The following KYAT3 variants were observed in gnomAD, a reference collection of about 807,000 sequenced individuals.
The protein encoded by KYAT3 is kynurenine--oxoglutarate transaminase 3.
In KYAT3, 50 loss-of-function variants were observed where a neutral mutation model predicts 59.0. The observed-to-expected ratio is 0.85, with a 90% confidence interval of 0.68 to 1.07. KYAT3 has a LOEUF of 1.07. Among genes scored for constraint, KYAT3 ranks in the 50% least tolerant of loss-of-function variants. KYAT3 has a pLI of 0.00. For missense variants in KYAT3, 497 were observed against 533.3 expected (o/e 0.93, Z 0.67); for synonymous variants, 148 against 177.0 (o/e 0.84, Z 1.30).
At chr1:88,979,544 T>C (rs776896611) in intron 2 of KYAT3, 2 of 152,126 alleles carry the variant, frequency 1.3e-5, no homozygotes, top group Non-Finnish European at 2.9e-5. Context: ...GGCAAAAGAT[T>C]TGACAGCCAC....
intron 13 of KYAT3, 87 bp downstream of exon 13, chr1:88,942,918 A>T: frequency 2.9e-6 from 3 of 1,040,658 alleles, no homozygotes; most frequent in Non-Finnish European, 4.4e-6. Flanking sequence ...ATATGAGCAT[A>T]TCATTTTTAG....
chr1:88,976,216 G>T (rs1017373073), intron 2 of KYAT3, among the ~76,000 whole-genome samples: 2 of 151,914 alleles, frequency 1.3e-5, no homozygotes, highest in Non-Finnish European at 2.9e-5. Context: ...AATTAGCCGG[G>T]TGTGGTGGCA....
intron 1 of KYAT3, among the ~76,000 whole-genome samples, chr1:88,989,092 A>G (rs1245879019): frequency 6.6e-6 from 1 of 152,236 alleles, no homozygotes; most frequent in Non-Finnish European, 1.5e-5. Flanking sequence ...AGGCAAATAG[A>G]TATTTCTCAT....
At chr1:88,974,767 CT>C (rs1217027855) in intron 2 of KYAT3, among the ~76,000 whole-genome samples, 1 of 152,110 alleles carries the variant, frequency 6.6e-6, no homozygotes, top group Non-Finnish European at 1.5e-5. Context: ...CGCTCTGGGT[CT>C]TGCTAAAGGA....
At chr1:88,965,901 A>C (rs1447002152) in intron 4 of KYAT3, among the ~76,000 whole-genome samples, 1 of 152,224 alleles carries the variant, frequency 6.6e-6, no homozygotes, top group African/African-American at 2.4e-5. Flanking sequence ...AGGTCTAACA[A>C]ATTCTAGCAA....
chr1:88,961,286 A>G lies in KYAT3; in HGVS notation c.668T>C (p.Val223Ala), dbSNP rs778319109. ...TACTTGCAGTTCCTCTCTGTTATAC[A>G]CCTACACATAATAAAGGAAAGAGCA... Reference protein sequence around the residue: ...LNTPHNPLGKVYNREELQVIA... With the variant: ...LNTPHNPLGKAYNREELQVIA... The change falls in exon 8 of 14, where the codon GTG becomes GCG. Residue 223 changes from valine (V) to alanine (A), a missense_variant and splice_region_variant. Val to Ala is a moderately conservative substitution (Grantham distance 64). Around this residue, in one of 2 missense-constraint regions of KYAT3, gnomAD observed 469 missense variants for 479.1 expected, o/e 0.98. Transcript: ENST00000260508. 1 of 1,613,668 alleles carries G rather than the reference A, an allele frequency of 6.2e-7. No homozygotes were observed.
rs184950694 is a variant in KYAT3 at position 88,948,618 on chromosome 1, A to G, written c.1141+473T>C. 2.6e-3 allele frequency among the ~76,000 whole-genome samples: 393 copies of G among 152,342 alleles called. 11 individuals carry two copies. The highest frequency in any genetic ancestry group is 0.02 in the Admixed American group (300 of 15,300). On this transcript the variant is annotated intron_variant, in intron 11 of 13. Transcript: ENST00000260508. ...CAAAAGGGTGTTTTGAGTACGTGGCACAAAGTAGACCCTCAATAAGTGTTA... is the reference window on the plus strand; with the variant it reads ...CAAAAGGGTGTTTTGAGTACGTGGCGCAAAGTAGACCCTCAATAAGTGTTA...
chr1:88,954,178 G>A (rs6692335), intron 9 of KYAT3, among the ~76,000 whole-genome samples: 43,349 of 152,042 alleles, frequency 0.29, 7,542 homozygotes, highest in Non-Finnish European at 0.38. Context: ...GATTACAGGC[G>A]TGCGCTACCA....
intron 4 of KYAT3, among the ~76,000 whole-genome samples, chr1:88,966,165 T>C (rs551652531): frequency 2.0e-5 from 3 of 152,222 alleles, no homozygotes; most frequent in African/African-American, 7.2e-5. Context: ...TAAAAACACA[T>C]AGACATGTAT....
In KYAT3 at chr1:88,962,154, A is replaced by G. The variant is rs1164640088; in HGVS notation, c.454-9T>C. The stretch of plus-strand genomic sequence containing the variant: ...GGCACTATTAGTATGACCTGCAATA[A>G]AAGCAAATAAGATCACAACCTGTCA... On this transcript the variant is annotated splice_polypyrimidine_tract_variant and intron_variant, in intron 5 of 13. Coordinates refer to ENST00000260508, the MANE Select transcript of KYAT3 (RefSeq NM_001008661.3). The G allele has an allele frequency of 1.3e-6, 2 of 1,590,010 alleles. No homozygotes were observed. Among genetic ancestry groups the G allele is most frequent in the South Asian group, 2.2e-5 (2 of 90,612 alleles).
intron 11 of KYAT3, among the ~76,000 whole-genome samples, chr1:88,946,783 A>G (rs1307589467): frequency 6.6e-6 from 1 of 152,170 alleles, no homozygotes; most frequent in African/African-American, 2.4e-5. Context: ...AGAGCTTGGG[A>G]GCCTGCTAAA....
rs1676543562 is a variant in KYAT3, at chr1:88,971,192, AG to A, written c.100-1726del. Among the ~76,000 whole-genome samples, 3 of 152,356 alleles carry A rather than the reference AG, an allele frequency of 2.0e-5. No individual in the cohort carries two copies. In the South Asian group the frequency reaches 6.2e-4, roughly 32 times the overall value. ...AGGATGATTTATACATAAAAAAGTG[AG>A]TTTGATGTGCTGTAGATAATTTAGA... On this transcript the variant is annotated intron_variant, in intron 2 of 13. Transcript: ENST00000260508.
the KYAT3 span, among the ~76,000 whole-genome samples, chr1:88,928,323 T>C: frequency 6.6e-6 from 1 of 151,926 alleles, no homozygotes; most frequent in Non-Finnish European, 1.5e-5. Context: ...GAAACCCTAT[T>C]GAACTTGGCA....
chr1:88,983,343 G>A lies in KYAT3; in HGVS notation c.99+4909C>T, dbSNP rs375804050. 1.6e-5 allele frequency: 26 copies of A among 1,614,116 alleles called. No homozygotes were observed. The highest frequency in any genetic ancestry group is 3.3e-5 in the Admixed American group (2 of 60,024). Reference sequence around the variant, plus strand: ...AGTCCTGAAGGTGCAGATCTCTTAGGAGAAGGACCCCCACTTCTTGGTGGT... The same window carrying A: ...AGTCCTGAAGGTGCAGATCTCTTAGAAGAAGGACCCCCACTTCTTGGTGGT... On this transcript the variant is annotated intron_variant, in intron 2 of 13. Coordinates refer to ENST00000260508, the MANE Select transcript of KYAT3 (RefSeq NM_001008661.3).
Position 88,953,187 on chromosome 1 carries a change from C to A in KYAT3, c.865-35G>T. The A allele has an allele frequency of 2.1e-6, 3 of 1,396,206 alleles. No homozygotes were observed. The South Asian group carries it at 3.5e-5, about 16-fold the overall frequency. 86.5% of individuals were successfully genotyped at this position (1,396,206 alleles called of 1,614,324 possible). A position where few individuals can be genotyped will look rare whatever the true frequency, so the allele number is the denominator to read the frequency against. The stretch of plus-strand genomic sequence containing the variant: ...GAAAAGATAAAAGATTTCAGAAAAT[C>A]TAATTGTATATAACAAATCTGAGAC... On this transcript the variant is annotated intron_variant, in intron 9 of 13. Transcript: ENST00000260508.
rs1482294734 is a variant in KYAT3 at position 88,977,440 on chromosome 1, G to A, written c.100-7973C>T. 3.9e-5 allele frequency among the ~76,000 whole-genome samples: 6 copies of A among 152,198 alleles called. No individual in the cohort carries two copies. In the East Asian group the frequency reaches 7.7e-4, roughly 20 times the overall value. On this transcript the variant is annotated intron_variant, in intron 2 of 13. Transcript: ENST00000260508. ...TGGTCTCGAACTCCTGACCTCAGGCGATCTGCCCTACTCGGCCTCCCAAAG... is the reference window on the plus strand; with the variant it reads ...TGGTCTCGAACTCCTGACCTCAGGCAATCTGCCCTACTCGGCCTCCCAAAG...
chr1:88,927,512 G>A, the KYAT3 span, among the ~76,000 whole-genome samples: 1 of 152,070 alleles, frequency 6.6e-6, no homozygotes, highest in African/African-American at 2.4e-5. Context: ...ATGCCCTACA[G>A]GAAGCCCTCA....
chr1:88,988,037 A>AAT (rs1215716610), intron 2 of KYAT3, among the ~76,000 whole-genome samples: 2 of 152,248 alleles, frequency 1.3e-5, no homozygotes, highest in African/African-American at 2.4e-5. Flanking sequence ...TGAGGTAATG[A>AAT]ATATATAATG....
intron 4 of KYAT3, among the ~76,000 whole-genome samples, chr1:88,966,924 T>C (rs1676371446): frequency 6.6e-6 from 1 of 152,148 alleles, no homozygotes; most frequent in Admixed American, 6.5e-5. Flanking sequence ...AGATGCATTT[T>C]CTATATATAC....
Sources: allele counts gnomAD v4.1 joint callset (sites outside exome capture counted in the v4.1 genomes callset), GRCh38; gene constraint gnomAD v4.1.1; regional missense constraint gnomAD v4.1.1; transcripts MANE v1.5; gene names NCBI Gene and HGNC (gene_info 2026-07-23, HGNC 2026-07-21).